Variants in STAB2 observed in about 807,000 individuals in gnomAD.
STAB2 encodes stabilin-2.
A neutral mutation model predicts 338.1 loss-of-function variants in STAB2; 288 were observed. The ratio of observed to expected loss-of-function variants is 0.85; its 90% CI spans 0.77 to 0.94. The LOEUF (loss-of-function observed/expected upper bound fraction) is 0.94. Ranked by LOEUF, STAB2 falls within the 40% of genes least tolerant of loss-of-function variation. The pLI is 0.00. For synonymous variants in STAB2, 1,202 were observed against 1,193.3 expected, an observed-to-expected ratio of 1.01 and a Z score of -0.15; for missense variants, 3,141 against 3,210.1, an observed-to-expected ratio of 0.98 and a Z score of 0.52.
chr12:103,758,982 G>A, intron 64 of STAB2, 151 bp from the exon 65 acceptor site: 2 of 1,312,480 alleles, frequency 1.5e-6, no homozygotes, highest in South Asian at 1.3e-5. Context: ...ACAACCAGAA[G>A]CCTAAGAAAA....
intron 60 of STAB2, among the ~76,000 whole-genome samples, chr12:103,752,015 C>T (rs1023092422): frequency 7.2e-5 from 11 of 152,160 alleles, no homozygotes; most frequent in Non-Finnish European, 1.5e-5. Context: ...AAACTGCCTT[C>T]ATGATTTGCA....
At position 103,637,491 on chromosome 12, in the gene STAB2, A is replaced by G. The variant is rs143452478; in HGVS notation, c.709+255A>G. Among the ~76,000 whole-genome samples the G allele has an allele frequency of 4.9e-3, 744 of 152,242 alleles. 5 individuals carry two copies. The highest frequency in any genetic ancestry group is 0.01 in the Middle Eastern group (3 of 294). ...AATGTTAGAACATTTAATGCTTCTT[A>G]TTTTATCTTTTTGATTTTATTCACT... is the stretch of plus-strand genomic sequence containing the variant. On this transcript the variant is annotated intron_variant, in intron 7 of 68. Transcript: ENST00000388887.
chr12:103,637,656 G>A (rs1011299052), intron 7 of STAB2, among the ~76,000 whole-genome samples: 1 of 152,282 alleles, frequency 6.6e-6, no homozygotes, highest in South Asian at 2.1e-4. Flanking sequence ...ATGAAATGGG[G>A]ATAATAATGG....
At chr12:103,706,488 T>C (rs1879357506) in intron 37 of STAB2, among the ~76,000 whole-genome samples, 2 of 152,176 alleles carry the variant, frequency 1.3e-5, no homozygotes, top group African/African-American at 4.8e-5. Context: ...ACAGGCATTA[T>C]TCTTTAGTTT....
rs1271308725 is a variant in STAB2, at chr12:103,590,941, G to A, written c.126G>A (p.Glu42=). The change falls in exon 2 of 69, where the codon GAG becomes GAA. Residue 42 remains glutamate, a synonymous_variant. Transcript: ENST00000388887. The part of the protein sequence containing the change: ...DRKSLLTIRT[E]CRSCALNLGV... ...AGTCTCTTCTTACAATTAGGACCGAGTGCCGATCCTGCGCTCTCAACCTTG... is the reference window on the plus strand; with the variant it reads ...AGTCTCTTCTTACAATTAGGACCGAATGCCGATCCTGCGCTCTCAACCTTG... 11 of 1,614,002 alleles carry A rather than the reference G, an allele frequency of 6.8e-6. No individual in the cohort carries two copies. Among genetic ancestry groups the A allele is most frequent in the Non-Finnish European group, 8.5e-6 (10 of 1,180,016 alleles).
chr12:103,683,177 C>G (rs764807481), intron 25 of STAB2, 28 bp from the exon 26 acceptor site: 5 of 1,595,208 alleles, frequency 3.1e-6, no homozygotes, highest in Non-Finnish European at 4.3e-6. Context: ...TTTCAATAAT[C>G]CACTTGACTC....
intron 33 of STAB2, among the ~76,000 whole-genome samples, chr12:103,697,404 G>C (rs951107872): frequency 2.6e-5 from 4 of 152,196 alleles, no homozygotes; most frequent in African/African-American, 9.7e-5. Flanking sequence ...CCTCTTCAGT[G>C]AGAAATGTTA....
At chr12:103,748,187 G>T (rs890396759) in intron 58 of STAB2, among the ~76,000 whole-genome samples, 1 of 152,144 alleles carries the variant, frequency 6.6e-6, no homozygotes. Context: ...CATTCCAGAA[G>T]TGAGTCAGCA....
At chr12:103,666,131 A>ACGGTGGAGT (rs1875073396) in intron 18 of STAB2, among the ~76,000 whole-genome samples, 160 bp from the exon 19 acceptor site, 2 of 152,172 alleles carry the variant, frequency 1.3e-5, no homozygotes, top group Non-Finnish European at 2.9e-5. Flanking sequence ...TCCTTCTCCC[A>ACGGTGGAGT]CGGTGGAGTC....
In STAB2 at chr12:103,717,964, C is replaced by T. The variant is rs897251781; in HGVS notation, c.4683+123C>T. On this transcript the variant is annotated intron_variant, in intron 44 of 68. Coordinates refer to ENST00000388887, the MANE Select transcript of STAB2 (RefSeq NM_017564.10). ...TGGAGGCCTCAGAGCTGTGTGTTGA[C>T]CATGAGGCTTGTTTCTCTGGCACAC... 1.6e-5 allele frequency: 15 copies of T among 922,030 alleles called. No homozygotes were observed. The Admixed American group carries it at 3.0e-4, about 18-fold the overall frequency. The allele number at this position is 922,030 out of a possible 1,614,324, so 57.1% of individuals were successfully genotyped here. A position where few individuals can be genotyped will look rare whatever the true frequency, so the allele number is the denominator to read the frequency against.
At chr12:103,655,843 C>T (rs1389592319) in intron 15 of STAB2, among the ~76,000 whole-genome samples, 2 of 152,112 alleles carry the variant, frequency 1.3e-5, no homozygotes, top group East Asian at 3.9e-4. Flanking sequence ...TTTGCAATCC[C>T]AGGCCTAAAT....
intron 65 of STAB2, among the ~76,000 whole-genome samples, chr12:103,760,218 T>G (rs977544633): frequency 3.3e-5 from 5 of 152,140 alleles, no homozygotes; most frequent in African/African-American, 1.2e-4. Flanking sequence ...TCAAGTGACT[T>G]CTGCTCAAAA....
intron 3 of STAB2, among the ~76,000 whole-genome samples, chr12:103,597,367 C>T (rs703600): frequency 6.6e-6 from 1 of 151,998 alleles, no homozygotes; most frequent in Non-Finnish European, 1.5e-5. Context: ...GCAAATGGAA[C>T]ATCCACTTCC....
At chr12:103,628,903 T>G (rs1427797) in intron 5 of STAB2, among the ~76,000 whole-genome samples, 5 of 151,708 alleles carry the variant, frequency 3.3e-5, no homozygotes, top group Non-Finnish European at 4.4e-5. Flanking sequence ...AACATCAAAA[T>G]GCTAAATAAC....
chr12:103,606,301 G>A (rs1258422170), intron 3 of STAB2, among the ~76,000 whole-genome samples: 2 of 151,970 alleles, frequency 1.3e-5, no homozygotes, highest in Non-Finnish European at 2.9e-5. Flanking sequence ...TTATTGTTAT[G>A]TATATTACTT....
At chr12:103,614,173 A>G (rs1231342967) in intron 3 of STAB2, among the ~76,000 whole-genome samples, 1 of 152,132 alleles carries the variant, frequency 6.6e-6, no homozygotes, top group Non-Finnish European at 1.5e-5. Context: ...GACATTGCAA[A>G]TATTACTTTG....
rs145903050 is a variant in STAB2 at position 103,594,050 on chromosome 12, T to C, written c.216-345T>C. Among the ~76,000 whole-genome samples, 4 of 148,800 alleles carry C rather than the reference T, an allele frequency of 2.7e-5. No individual in the cohort carries two copies. In the East Asian group the frequency reaches 8.3e-4, roughly 31 times the overall value. On this transcript the variant is annotated intron_variant, in intron 2 of 68. Coordinates refer to ENST00000388887, the MANE Select transcript of STAB2 (RefSeq NM_017564.10). ...TGTGCATTTTGTAACTCATGATCTC[T>C]CCCTTCCTGCATTGACTGCTAGGAT...
At chr12:103,640,639 A>G (rs189328072) in intron 9 of STAB2, among the ~76,000 whole-genome samples, 88 of 152,310 alleles carry the variant, frequency 5.8e-4, no homozygotes, top group Admixed American at 4.5e-3. Context: ...TAGAGGTGCA[A>G]AACAAGACTA....
intron 66 of STAB2, 62 bp from the exon 67 acceptor site, chr12:103,762,212 G>C (rs1322005458): frequency 1.3e-6 from 2 of 1,597,692 alleles, no homozygotes; most frequent in African/African-American, 1.4e-5. Context: ...GGCCACCAAG[G>C]GTTCCCCTTT....
Sources: allele counts gnomAD v4.1 joint callset (sites outside exome capture counted in the v4.1 genomes callset), GRCh38; gene constraint gnomAD v4.1.1; transcripts MANE v1.5; gene names NCBI Gene and HGNC (gene_info 2026-07-23, HGNC 2026-07-21).